The following DLG2 variants were observed in gnomAD, a reference collection of about 807,000 sequenced individuals.
DLG2 encodes the protein discs large MAGUK scaffold protein 2.
DLG2 carries 45 observed loss-of-function variants against 132.5 expected under a neutral mutation model. That is an observed-to-expected ratio of 0.34 (90% CI 0.27 to 0.44). DLG2 has a LOEUF of 0.44. DLG2 is among the 20% of genes least tolerant of loss of function. The pLI is 1.00. For missense variants in DLG2, 1,045 were observed against 1,196.9 expected (o/e 0.87, Z 1.87); for synonymous variants, 424 against 419.6 (o/e 1.01, Z -0.13).
At chr11:84,849,749 G>A (rs2081959552) in intron 6 of DLG2, among the ~76,000 whole-genome samples, 1 of 152,082 alleles carries the variant, frequency 6.6e-6, no homozygotes, top group African/African-American at 2.4e-5. Flanking sequence ...CAACGACACT[G>A]TTGCAAGTAT....
intron 6 of DLG2, among the ~76,000 whole-genome samples, chr11:84,865,631 T>G (rs1056732519): frequency 2.0e-5 from 3 of 152,176 alleles, no homozygotes; most frequent in African/African-American, 4.8e-5. Context: ...GATTTTAAAT[T>G]AATTTTAAGT....
intron 6 of DLG2, among the ~76,000 whole-genome samples, chr11:84,977,947 A>T (rs2055159715): frequency 6.6e-6 from 1 of 152,206 alleles, no homozygotes; most frequent in African/African-American, 2.4e-5. Flanking sequence ...AGAATTATGA[A>T]GTAACTGTTC....
At chr11:84,184,096 T>C (rs983622103) in intron 8 of DLG2, among the ~76,000 whole-genome samples, 2 of 152,190 alleles carry the variant, frequency 1.3e-5, no homozygotes, top group African/African-American at 2.4e-5. Flanking sequence ...TACCCAGTAA[T>C]GGGATGGCTG....
intron 6 of DLG2, among the ~76,000 whole-genome samples, chr11:84,729,966 A>C (rs1485491909): frequency 2.0e-5 from 3 of 152,004 alleles, no homozygotes; most frequent in African/African-American, 2.4e-5. Context: ...GTTTTTTGAA[A>C]TAATTATTGT....
chr11:84,327,025 T>C (rs1230477513), intron 7 of DLG2, among the ~76,000 whole-genome samples: 1 of 152,078 alleles, frequency 6.6e-6, no homozygotes, highest in African/African-American at 2.4e-5. Context: ...TCCTGGATTA[T>C]ATTTTTCTAT....
intron 6 of DLG2, among the ~76,000 whole-genome samples, chr11:85,061,889 T>C (rs2064181203): frequency 6.6e-6 from 1 of 151,856 alleles, no homozygotes; most frequent in Non-Finnish European, 1.5e-5. Flanking sequence ...TCTTGCACAA[T>C]TCAGGCAAGC....
At chr11:84,239,950 T>C (rs989502644) in intron 8 of DLG2, among the ~76,000 whole-genome samples, 1 of 152,162 alleles carries the variant, frequency 6.6e-6, no homozygotes, top group African/African-American at 2.4e-5. Flanking sequence ...ATTACCCTTT[T>C]CTCCCATAAT....
rs935867382 is a variant in DLG2, at chr11:85,278,062, C to G, written c.186+7158G>C. On this transcript the variant is annotated intron_variant, in intron 4 of 27. Coordinates refer to ENST00000376104, the MANE Select transcript of DLG2 (RefSeq NM_001142699.3). Reference sequence around the variant, plus strand: ...AGACAGCTAGAATAACCTAATCAGTCTTACTACTCTCAGCTCCCCACCTAC... The same window carrying G: ...AGACAGCTAGAATAACCTAATCAGTGTTACTACTCTCAGCTCCCCACCTAC... Among the ~76,000 whole-genome samples the G allele has an allele frequency of 9.9e-5, 15 of 152,186 alleles. 1 individual carries two copies. The highest frequency in any genetic ancestry group is 4.4e-5 in the Non-Finnish European group (3 of 68,030).
intron 6 of DLG2, among the ~76,000 whole-genome samples, chr11:84,908,276 T>A (rs1017436033): frequency 6.6e-6 from 1 of 152,208 alleles, no homozygotes; most frequent in Non-Finnish European, 1.5e-5. Flanking sequence ...TATTATCAAT[T>A]CAACATATAA....
At chr11:85,108,480 A>G (rs951716543) in intron 6 of DLG2, among the ~76,000 whole-genome samples, 7 of 152,092 alleles carry the variant, frequency 4.6e-5, no homozygotes, top group African/African-American at 1.7e-4. Context: ...GAATATTAAT[A>G]CCAGAATTTC....
intron 6 of DLG2, among the ~76,000 whole-genome samples, chr11:84,605,552 A>G (rs891286082): frequency 6.6e-6 from 1 of 151,104 alleles, no homozygotes; most frequent in Non-Finnish European, 1.5e-5. Context: ...ATAAGCATCC[A>G]TTTATGAGGG....
intron 6 of DLG2, among the ~76,000 whole-genome samples, chr11:84,671,898 C>T (rs1031896779): frequency 6.6e-6 from 1 of 152,100 alleles, no homozygotes; most frequent in African/African-American, 2.4e-5. Flanking sequence ...TTTGTTTTGT[C>T]TTCCTCTTGT....
intron 3 of DLG2, among the ~76,000 whole-genome samples, chr11:85,387,156 G>A (rs2086413076): frequency 6.6e-6 from 1 of 152,012 alleles, no homozygotes; most frequent in Non-Finnish European, 1.5e-5. Flanking sequence ...CCAAAGTGCT[G>A]GGATTACAGG....
At chr11:85,079,386 C>T (rs372381298) in intron 6 of DLG2, among the ~76,000 whole-genome samples, 1 of 151,944 alleles carries the variant, frequency 6.6e-6, no homozygotes, top group African/African-American at 2.4e-5. Context: ...ATGTGGACAA[C>T]CCATTCCCAT....
intron 10 of DLG2, among the ~76,000 whole-genome samples, chr11:84,085,485 G>T (rs1249515211): frequency 2.0e-5 from 3 of 152,116 alleles, no homozygotes; most frequent in Non-Finnish European, 4.4e-5. Flanking sequence ...CTGAAACAAA[G>T]CATTGATTTC....
At chr11:85,357,704 T>TTATATA (rs58283704) in intron 3 of DLG2, among the ~76,000 whole-genome samples, 22 of 106,264 alleles carry the variant, frequency 2.1e-4, no homozygotes, top group East Asian at 8.5e-4. Context: ...CTGTTCTGAA[T>TTATATA]TATATATATA....
At chr11:83,780,595 A>G (rs193130112) in intron 18 of DLG2, among the ~76,000 whole-genome samples, 258 of 152,296 alleles carry the variant, frequency 1.7e-3, no homozygotes, top group Middle Eastern at 6.8e-3. Context: ...CTGCTTCTAA[A>G]CTCACTTGCT....
At chr11:85,166,972 A>C (rs955049718) in intron 4 of DLG2, among the ~76,000 whole-genome samples, 1 of 152,168 alleles carries the variant, frequency 6.6e-6, no homozygotes, top group African/African-American at 2.4e-5. Context: ...TAGAGTAAAT[A>C]AGTACTCAGT....
In DLG2 at chr11:84,963,889, G is replaced by A. The variant is rs181411470; in HGVS notation, c.357+147772C>T. The stretch of plus-strand genomic sequence containing the variant: ...GTCCTTGACTTTACACAGGGGAAAC[G>A]GGAGGATGTCTTTGTGAAGGTTACC... On this transcript the variant is annotated intron_variant, in intron 6 of 27. Coordinates refer to ENST00000376104, the MANE Select transcript of DLG2 (RefSeq NM_001142699.3). Among the ~76,000 whole-genome samples, 641 of 152,200 alleles carry A rather than the reference G, an allele frequency of 4.2e-3. 2 individuals carry two copies. Among genetic ancestry groups the A allele is most frequent in the Non-Finnish European group, 6.9e-3 (467 of 67,976 alleles).
Sources: gnomAD v4.1 joint callset for allele counts (sites outside exome capture counted in the v4.1 genomes callset) on GRCh38, gnomAD v4.1.1 for gene constraint, MANE v1.5 for transcripts, NCBI Gene and HGNC (gene_info 2026-07-23, HGNC 2026-07-21) for gene names.